The following MDGA2 variants were observed in gnomAD, a reference collection of about 807,000 sequenced individuals.
MDGA2 encodes the protein MAM domain containing glycosylphosphatidylinositol anchor 2.
MDGA2 carries 40 observed loss-of-function variants against 117.8 expected under a neutral mutation model. The observed-to-expected ratio is 0.34, with a 90% CI of 0.26 to 0.44. MDGA2 has a LOEUF of 0.44. Ranked by LOEUF, MDGA2 falls within the 20% of genes least tolerant of loss-of-function variation. The pLI, the probability that MDGA2 is intolerant of heterozygous loss-of-function variation, is 1.00. For missense variants in MDGA2, 1,123 were observed against 1,250.6 expected, an observed-to-expected ratio of 0.90 and a Z score of 1.54; for synonymous variants, 452 against 439.0, an observed-to-expected ratio of 1.03 and a Z score of -0.37.
At chr14:47,018,764 T>TAAAAAAAAAAA (rs1888177801) in intron 8 of MDGA2, among the ~76,000 whole-genome samples, 2 of 47,500 alleles carry the variant, frequency 4.2e-5, no homozygotes, top group Non-Finnish European at 1.0e-4. Flanking sequence ...AAAAAAAAAG[T>TAAAAAAAAAAA]CTCCATTGAG....
At chr14:47,004,619 CTT>C (rs1407807626) in intron 8 of MDGA2, among the ~76,000 whole-genome samples, 1 of 151,692 alleles carries the variant, frequency 6.6e-6, no homozygotes, top group Non-Finnish European at 1.5e-5. Flanking sequence ...ACAAAGAAAA[CTT>C]CTAGAATTTC....
chr14:47,147,003 ATTTCTAAG>A (rs1594668322), intron 3 of MDGA2, among the ~76,000 whole-genome samples: 1 of 152,108 alleles, frequency 6.6e-6, no homozygotes, highest in East Asian at 1.9e-4. Context: ...ATGTTTAGAA[ATTTCTAAG>A]TGTTTTTTGC....
chr14:46,978,788 T>C (rs1471721206), intron 8 of MDGA2, among the ~76,000 whole-genome samples: 2 of 152,148 alleles, frequency 1.3e-5, no homozygotes, highest in African/African-American at 4.8e-5. Flanking sequence ...AGAGGCAAGA[T>C]AATATTTATA....
chr14:46,861,409 C>T (rs773519599), intron 14 of MDGA2, among the ~76,000 whole-genome samples: 22 of 151,776 alleles, frequency 1.4e-4, no homozygotes, highest in Non-Finnish European at 2.8e-4. Flanking sequence ...TATTTCTTAA[C>T]ATTTTCTTTT....
chr14:47,263,484 A>C (rs558653429), intron 2 of MDGA2, among the ~76,000 whole-genome samples: 1 of 152,120 alleles, frequency 6.6e-6, no homozygotes, highest in Non-Finnish European at 1.5e-5. Context: ...AAAGTCTTTG[A>C]TCTACTACTA....
At chr14:47,585,804 A>G (rs959706883) in intron 1 of MDGA2, among the ~76,000 whole-genome samples, 17 of 151,650 alleles carry the variant, frequency 1.1e-4, no homozygotes, top group East Asian at 5.8e-4. Context: ...ATTTTTTCCA[A>G]TTGTCTTCCA....
intron 3 of MDGA2, among the ~76,000 whole-genome samples, chr14:47,197,389 C>G (rs143939468): frequency 6.6e-6 from 1 of 152,076 alleles, no homozygotes; most frequent in Non-Finnish European, 1.5e-5. Flanking sequence ...AGCAAGAAGA[C>G]AGCCATCTGC....
At chr14:46,862,115 A>T (rs1213618823) in intron 14 of MDGA2, among the ~76,000 whole-genome samples, 1 of 151,968 alleles carries the variant, frequency 6.6e-6, no homozygotes, top group Admixed American at 6.6e-5. Flanking sequence ...ATCTCCAAGG[A>T]TTTTCAATTT....
intron 8 of MDGA2, among the ~76,000 whole-genome samples, chr14:46,982,279 T>C (rs2138387285): frequency 1.3e-5 from 2 of 152,278 alleles, no homozygotes; most frequent in East Asian, 3.9e-4. Flanking sequence ...CATAAATTAT[T>C]AAAATAGTAT....
chr14:47,577,139 AAGTAG>A (rs1002887053), intron 1 of MDGA2, among the ~76,000 whole-genome samples: 1 of 152,108 alleles, frequency 6.6e-6, no homozygotes, highest in Non-Finnish European at 1.5e-5. Context: ...CAGGAGACAA[AAGTAG>A]AGTAAAGAGT....
At chr14:46,877,901 G>A (rs1171940283) in intron 11 of MDGA2, among the ~76,000 whole-genome samples, 1 of 151,826 alleles carries the variant, frequency 6.6e-6, no homozygotes, top group Admixed American at 6.6e-5. Context: ...CAATTATCTA[G>A]CAGAGTTTCC....
intron 1 of MDGA2, among the ~76,000 whole-genome samples, chr14:47,450,069 CATT>C (rs1893209004): frequency 6.6e-6 from 1 of 151,988 alleles, no homozygotes; most frequent in Non-Finnish European, 1.5e-5. Context: ...TGCAATGTTT[CATT>C]ATAATTAACT....
chr14:47,619,683 T>C (rs993067525), intron 1 of MDGA2, among the ~76,000 whole-genome samples: 6 of 152,202 alleles, frequency 3.9e-5, no homozygotes, highest in Admixed American at 3.9e-4. Context: ...AGGTCAAGCA[T>C]AAGGAGCTAT....
chr14:47,139,796 A>G (rs1041172), intron 4 of MDGA2, among the ~76,000 whole-genome samples: 13,300 of 55,442 alleles, frequency 0.24, 727 homozygotes, highest in African/African-American at 0.36. Flanking sequence ...ATATATGTGT[A>G]TATATATGTA....
At chr14:47,534,802 C>T (rs936644311) in intron 1 of MDGA2, among the ~76,000 whole-genome samples, 1 of 152,156 alleles carries the variant, frequency 6.6e-6, no homozygotes, top group Non-Finnish European at 1.5e-5. Context: ...TATCAGATAA[C>T]ACATGACAAA....
chr14:47,098,225 G>T (rs1594617547), intron 5 of MDGA2, among the ~76,000 whole-genome samples: 2 of 117,492 alleles, frequency 1.7e-5, no homozygotes, highest in African/African-American at 3.3e-5. Flanking sequence ...ATAAAAGCTA[G>T]ACTACTTGTG....
chr14:47,514,083 G>C (rs1894701140), intron 1 of MDGA2, among the ~76,000 whole-genome samples: 1 of 152,120 alleles, frequency 6.6e-6, no homozygotes, highest in Admixed American at 6.6e-5. Flanking sequence ...TTAACAACAA[G>C]GAGTTTTGGT....
In MDGA2 at chr14:47,166,924, T is replaced by C. The variant is rs1883903963; in HGVS notation, c.596-22650A>G. ...GGGCCTCCAGGCTGACAAGACAGTGTGTGTGTCAGCTAGAATAATCAGACA... is the reference window on the plus strand; with the variant it reads ...GGGCCTCCAGGCTGACAAGACAGTGCGTGTGTCAGCTAGAATAATCAGACA... On this transcript the variant is annotated intron_variant, in intron 3 of 16. Coordinates refer to ENST00000399232, the MANE Select transcript of MDGA2 (RefSeq NM_001113498.3). Among the ~76,000 whole-genome samples, 4 of 152,162 alleles carry C rather than the reference T, an allele frequency of 2.6e-5. No individual in the cohort carries two copies. In the South Asian group the frequency reaches 6.2e-4, roughly 24 times the overall value.
intron 2 of MDGA2, among the ~76,000 whole-genome samples, chr14:47,256,451 T>C (rs1887622986): frequency 6.6e-6 from 1 of 152,168 alleles, no homozygotes; most frequent in Non-Finnish European, 1.5e-5. Context: ...TCACCCCATT[T>C]CTCTGCCTAC....
Sources: allele counts gnomAD v4.1 joint callset (sites outside exome capture counted in the v4.1 genomes callset), GRCh38; gene constraint gnomAD v4.1.1; transcripts MANE v1.5; gene names NCBI Gene and HGNC (gene_info 2026-07-23, HGNC 2026-07-21).